The following OSCP1 variants were observed in gnomAD, a reference collection of about 807,000 sequenced individuals.
The protein encoded by OSCP1 is protein OSCP1.
A neutral mutation model predicts 45.1 loss-of-function variants in OSCP1; 35 were observed. That is an observed-to-expected ratio of 0.78 (90% CI 0.59 to 1.03). The LOEUF is 1.03. Ranked by LOEUF, OSCP1 falls within the 50% of genes least tolerant of loss-of-function variation. OSCP1 has a pLI of 0.00. For synonymous variants in OSCP1, 179 were observed against 180.1 expected (o/e 0.99, Z 0.05); for missense variants, 400 against 470.7 (o/e 0.85, Z 1.39).
chr1:36,418,023 C>T lies in OSCP1; in HGVS notation c.*116G>A, dbSNP rs77019703. On this transcript the variant is annotated 3_prime_UTR_variant, in exon 10 of 10. Transcript: ENST00000235532. Reference sequence around the variant, plus strand: ...CCTTACAACATAAATAAGAAATAGACGTAATGGCTTCACTCAGTAGAAAAC... The same window carrying T: ...CCTTACAACATAAATAAGAAATAGATGTAATGGCTTCACTCAGTAGAAAAC... 5.4e-3 allele frequency: 3,949 copies of T among 737,448 alleles called. 49 individuals carry two copies. Among genetic ancestry groups the T allele is most frequent in the African/African-American group, 0.041 (2,300 of 56,774 alleles). The allele number at this position is 737,448 out of a possible 1,614,324, so 45.7% of individuals were successfully genotyped here.
chr1:36,440,289 T>C (rs1376628315), intron 1 of OSCP1, among the ~76,000 whole-genome samples: 1 of 152,132 alleles, frequency 6.6e-6, no homozygotes, highest in Non-Finnish European at 1.5e-5. Flanking sequence ...TTTTAAAGCA[T>C]TTCAACACAT....
In OSCP1 at chr1:36,423,257, G is replaced by A. The variant is rs183827704; in HGVS notation, c.620+106C>T. ...AGCTGTTTTACTGAAGAAAGAGAAG[G>A]GCTGGGCAGACTGTGAGTGGCTTGG... On this transcript the variant is annotated intron_variant, in intron 5 of 9. Transcript: ENST00000235532. The A allele has an allele frequency of 1.3e-5, 12 of 944,466 alleles. No individual in the cohort carries two copies. The South Asian group carries it at 1.4e-4, about 11-fold the overall frequency. 58.5% of individuals were successfully genotyped at this position (944,466 alleles called of 1,614,324 possible). A position where few individuals can be genotyped will look rare whatever the true frequency, so the allele number is the denominator to read the frequency against.
chr1:36,440,011 A>T (rs1191538504), intron 1 of OSCP1, among the ~76,000 whole-genome samples: 2 of 152,274 alleles, frequency 1.3e-5, no homozygotes, highest in Non-Finnish European at 2.9e-5. Flanking sequence ...ATATGTGGAT[A>T]CTGAGAATAT....
intron 4 of OSCP1, among the ~76,000 whole-genome samples, chr1:36,431,386 C>A (rs541897427): frequency 6.6e-6 from 1 of 151,996 alleles, no homozygotes; most frequent in South Asian, 2.1e-4. Context: ...AAGGGAAGCC[C>A]AGGATGGTAC....
chr1:36,444,335 G>A (rs529708372), intron 1 of OSCP1, among the ~76,000 whole-genome samples: 18 of 152,254 alleles, frequency 1.2e-4, no homozygotes, highest in African/African-American at 3.9e-4. Flanking sequence ...AAGAAGCCCC[G>A]CTCTCTAATG....
At chr1:36,422,021 G>A (rs1279982694) in intron 7 of OSCP1, 129 bp downstream of exon 7, 8 of 855,032 alleles carry the variant, frequency 9.4e-6, no homozygotes, top group Non-Finnish European at 1.6e-5. Flanking sequence ...AAGGTGGAAT[G>A]GAGAAGATTG....
chr1:36,430,856 T>C (rs1031382439), intron 4 of OSCP1, among the ~76,000 whole-genome samples: 4 of 152,156 alleles, frequency 2.6e-5, no homozygotes, highest in Non-Finnish European at 5.9e-5. Context: ...GGTTTTACCA[T>C]GTTGGCCAGG....
intron 4 of OSCP1, among the ~76,000 whole-genome samples, chr1:36,424,813 G>A (rs532932283): frequency 3.5e-4 from 54 of 152,256 alleles, no homozygotes; most frequent in African/African-American, 1.3e-3. Context: ...TGTAAAATAA[G>A]AGATGAGCTT....
chr1:36,417,975 C>T lies in OSCP1; in HGVS notation c.*164G>A. 3.5e-6 allele frequency: 2 copies of T among 579,022 alleles called. No individual in the cohort carries two copies. The highest frequency in any genetic ancestry group is 2.9e-5 in the East Asian group (1 of 34,184). The allele number at this position is 579,022 out of a possible 1,614,324, so 35.9% of individuals were successfully genotyped here. ...GTGTGTGCCTTCAAGAGTGAGTGCTCCTCAAGGGAGACTCACACAGTTCCT... is the reference window on the plus strand; with the variant it reads ...GTGTGTGCCTTCAAGAGTGAGTGCTTCTCAAGGGAGACTCACACAGTTCCT... On this transcript the variant is annotated 3_prime_UTR_variant, in exon 10 of 10. Transcript: ENST00000235532.
intron 5 of OSCP1, among the ~76,000 whole-genome samples, 176 bp downstream of exon 5, chr1:36,423,187 C>T (rs865873926): frequency 3.3e-5 from 5 of 152,118 alleles, no homozygotes; most frequent in African/African-American, 9.7e-5. Context: ...CCTCAAGTCC[C>T]TCTACTAAGT....
At chr1:36,449,962 G>C (rs1649795210) in intron 1 of OSCP1, among the ~76,000 whole-genome samples, 1 of 149,444 alleles carries the variant, frequency 6.7e-6, no homozygotes, top group South Asian at 2.1e-4. Flanking sequence ...CATTTGGAAG[G>C]CACTGATTGA....
At position 36,447,182 on chromosome 1, in the gene OSCP1, C is replaced by T. The variant is rs980969784; in HGVS notation, c.112+3076G>A. 4.6e-5 allele frequency among the ~76,000 whole-genome samples: 7 copies of T among 152,270 alleles called. No individual in the cohort carries two copies. The highest frequency in any genetic ancestry group is 4.1e-4 in the South Asian group (2 of 4,826). On this transcript the variant is annotated intron_variant, in intron 1 of 9. Coordinates refer to ENST00000235532, the MANE Select transcript of OSCP1 (RefSeq NM_145047.5). The surrounding 1 kb of genome is among the most constrained non-coding windows in gnomAD (Gnocchi z 4.1). ...TACAGGGATCTGTTACAGGGGCTCT[C>T]GCTCCTGTGGCCACAACAACTTTAA...
At chr1:36,441,660 A>AG (rs1008768251) in intron 1 of OSCP1, among the ~76,000 whole-genome samples, 1 of 146,584 alleles carries the variant, frequency 6.8e-6, no homozygotes, top group Non-Finnish European at 1.5e-5. Context: ...CTGAGGCAGG[A>AG]GAATGGCGTG....
intron 7 of OSCP1, 62 bp downstream of exon 7, chr1:36,422,084 CTCTT>C (rs1486219490): frequency 2.0e-6 from 3 of 1,483,216 alleles, no homozygotes; most frequent in Non-Finnish European, 2.8e-6. Flanking sequence ...GTTCTCACCT[CTCTT>C]TATGTAGACT....
rs1288651065 is a variant in OSCP1 at position 36,449,606 on chromosome 1, G to A, written c.112+652C>T. 2.0e-5 allele frequency among the ~76,000 whole-genome samples: 3 copies of A among 152,004 alleles called. No individual in the cohort carries two copies. The East Asian group carries it at 5.8e-4, about 29-fold the overall frequency. On this transcript the variant is annotated intron_variant, in intron 1 of 9. Coordinates refer to ENST00000235532, the MANE Select transcript of OSCP1 (RefSeq NM_145047.5). Reference sequence around the variant, plus strand: ...AATCCCAGCACTTTGGGAGGCCGAGGGGGGCAGATCGTTTGAGTCCAGGAA... The same window carrying A: ...AATCCCAGCACTTTGGGAGGCCGAGAGGGGCAGATCGTTTGAGTCCAGGAA...
At chr1:36,441,201 G>T (rs564875768) in intron 1 of OSCP1, among the ~76,000 whole-genome samples, 7 of 152,128 alleles carry the variant, frequency 4.6e-5, no homozygotes, top group Non-Finnish European at 1.0e-4. Flanking sequence ...AAGAGGAAAT[G>T]GCAGTTTAAT....
At position 36,432,608 on chromosome 1, in the gene OSCP1, G is replaced by T. The variant is rs773397928; in HGVS notation, c.268-19C>A. The T allele has an allele frequency of 6.2e-7, 1 of 1,613,954 alleles. No homozygotes were observed. Among genetic ancestry groups the T allele is most frequent in the South Asian group, 1.1e-5 (1 of 91,072 alleles). On this transcript the variant is annotated intron_variant, in intron 2 of 9. Coordinates refer to ENST00000235532, the MANE Select transcript of OSCP1 (RefSeq NM_145047.5). ...CATAGAGCTGCCAACCCACACACAAGCAAAAGAAATGGGATCATATCAAAA... is the reference window on the plus strand; with the variant it reads ...CATAGAGCTGCCAACCCACACACAATCAAAAGAAATGGGATCATATCAAAA...
chr1:36,426,558 C>G (rs1647975304), intron 4 of OSCP1, among the ~76,000 whole-genome samples: 1 of 152,196 alleles, frequency 6.6e-6, no homozygotes, highest in Admixed American at 6.5e-5. Context: ...CAGGGCCCAT[C>G]TTTGTCTCTT....
At position 36,430,804 on chromosome 1, in the gene OSCP1, G is replaced by A. The variant is rs1184895830; in HGVS notation, c.516+998C>T. ...TGAGTAGCTGGGACTACAGGTGCTT[G>A]CCACCATGCCCGGCTCACTTTTGTA... On this transcript the variant is annotated intron_variant, in intron 4 of 9. Transcript: ENST00000235532. Among the ~76,000 whole-genome samples, 3 of 152,088 alleles carry A rather than the reference G, an allele frequency of 2.0e-5. No individual in the cohort carries two copies. The East Asian group carries it at 5.8e-4, about 29-fold the overall frequency.
Sources: allele counts gnomAD v4.1 joint callset (sites outside exome capture counted in the v4.1 genomes callset), GRCh38; gene constraint gnomAD v4.1.1; non-coding constraint Gnocchi (gnomAD v3.1); transcripts MANE v1.5; gene names NCBI Gene and HGNC (gene_info 2026-07-23, HGNC 2026-07-21).